Variants in NCAM1 observed in about 807,000 individuals in gnomAD.
NCAM1 encodes the protein antigen recognized by monoclonal antibody 5.1H11.
Under a neutral mutation model 109.8 loss-of-function variants are expected in NCAM1, and 14 were observed. The ratio of observed to expected loss-of-function variants is 0.13; its 90% CI spans 0.08 to 0.20. NCAM1 has a LOEUF of 0.20. Ranked by LOEUF, NCAM1 falls within the 10% of genes least tolerant of loss-of-function variation. The pLI is 1.00. For missense variants in NCAM1, 774 were observed against 1,109.9 expected (o/e 0.70, Z 4.30); for synonymous variants, 418 against 442.9 (o/e 0.94, Z 0.70).
At chr11:113,270,540 TAGAGA>T (rs1174254452) in intron 18 of NCAM1, 145 bp downstream of exon 18, 4 of 744,610 alleles carry the variant, frequency 5.4e-6, no homozygotes, top group African/African-American at 3.5e-5. Flanking sequence ...GGAAAAACAT[TAGAGA>T]AAAGTTTCTC....
intron 7 of NCAM1, 135 bp from the exon 8 acceptor site, chr11:113,214,234 G>C (rs1944463782): frequency 2.4e-6 from 2 of 826,450 alleles, no homozygotes; most frequent in Non-Finnish European, 1.9e-6. Flanking sequence ...AGTCAGGTCT[G>C]CATCTCCTAA....
intron 1 of NCAM1, among the ~76,000 whole-genome samples, chr11:113,072,350 G>C (rs553633403): frequency 6.6e-6 from 1 of 152,244 alleles, no homozygotes; most frequent in African/African-American, 2.4e-5. Flanking sequence ...TCAATGAAAT[G>C]GTAGTTTCAG....
chr11:113,066,386 C>T (rs1174999531), intron 1 of NCAM1, among the ~76,000 whole-genome samples: 5 of 152,134 alleles, frequency 3.3e-5, no homozygotes, highest in Admixed American at 1.3e-4. Flanking sequence ...TCACTAATTA[C>T]GTAAGGCTTT....
At position 113,185,851 on chromosome 11, in the gene NCAM1, C is replaced by T. The variant is rs1327344579; in HGVS notation, c.53-16528C>T. Among the ~76,000 whole-genome samples the T allele has an allele frequency of 2.6e-5, 4 of 152,106 alleles. No homozygotes were observed. In the East Asian group the frequency reaches 5.8e-4, roughly 22 times the overall value. ...TTGAGGAGCTCTTTAAAACTAGAAC[C>T]ACAGTGGCCCTACCCCGGAGGTACT... On this transcript the variant is annotated intron_variant, in intron 1 of 19. Coordinates refer to ENST00000316851, the MANE Select transcript of NCAM1 (RefSeq NM_181351.5).
chr11:113,024,928 T>C (rs143037806), intron 1 of NCAM1, among the ~76,000 whole-genome samples: 24 of 152,362 alleles, frequency 1.6e-4, no homozygotes, highest in Admixed American at 5.9e-4. Flanking sequence ...TTCTGTAGTC[T>C]TCTGAACCAT....
intron 1 of NCAM1, among the ~76,000 whole-genome samples, chr11:113,067,151 C>T (rs984163649): frequency 3.3e-5 from 5 of 152,054 alleles, no homozygotes; most frequent in African/African-American, 1.2e-4. Context: ...TCCTCCTTAG[C>T]GTAAGAGTTT....
At chr11:113,024,831 G>T (rs1952489635) in intron 1 of NCAM1, among the ~76,000 whole-genome samples, 1 of 152,094 alleles carries the variant, frequency 6.6e-6, no homozygotes, top group African/African-American at 2.4e-5. Context: ...GATTGTTTAG[G>T]ATATTTTCAC....
At chr11:113,200,755 T>C (rs1405947250) in intron 1 of NCAM1, among the ~76,000 whole-genome samples, 1 of 152,068 alleles carries the variant, frequency 6.6e-6, no homozygotes, top group African/African-American at 2.4e-5. Flanking sequence ...ATAATCACAC[T>C]TGCACTGCGG....
intron 1 of NCAM1, among the ~76,000 whole-genome samples, chr11:113,017,065 G>A (rs1555075360): frequency 6.6e-6 from 1 of 152,160 alleles, no homozygotes; most frequent in East Asian, 1.9e-4. Context: ...TTAATTCAGA[G>A]TTTTGTCAAC....
At chr11:113,240,814 T>A in intron 14 of NCAM1, 1 of 1,613,682 alleles carries the variant, frequency 6.2e-7, no homozygotes, top group Non-Finnish European at 8.5e-7. Context: ...CTACCCCTGT[T>A]CCATTGTCTC....
intron 1 of NCAM1, among the ~76,000 whole-genome samples, chr11:113,005,838 C>T (rs1403019722): frequency 6.6e-6 from 1 of 152,208 alleles, no homozygotes; most frequent in Non-Finnish European, 1.5e-5. Flanking sequence ...CACATTAAAA[C>T]ATATCCTTTA....
At chr11:113,214,787 G>A (rs1436824752) in intron 8 of NCAM1, among the ~76,000 whole-genome samples, 1 of 152,168 alleles carries the variant, frequency 6.6e-6, no homozygotes, top group Non-Finnish European at 1.5e-5. Flanking sequence ...AATGGTGATT[G>A]TCAATCCCAG....
chr11:113,199,829 TAAAAAAAAAAA>T (rs1555111558), intron 1 of NCAM1, among the ~76,000 whole-genome samples: 2 of 115,766 alleles, frequency 1.7e-5, no homozygotes, highest in Non-Finnish European at 3.5e-5. Flanking sequence ...GAAACACCCT[TAAAAAAAAAAA>T]AAAAAAAAAC....
chr11:113,088,434 C>G (rs1354295303), intron 1 of NCAM1, among the ~76,000 whole-genome samples: 4 of 152,198 alleles, frequency 2.6e-5, no homozygotes, highest in Non-Finnish European at 5.9e-5. Flanking sequence ...AGGCTTTATT[C>G]TGAGTAGAAG....
intron 1 of NCAM1, among the ~76,000 whole-genome samples, chr11:112,983,411 A>C (rs1951207090): frequency 8.5e-6 from 1 of 117,990 alleles, no homozygotes; most frequent in Non-Finnish European, 2.0e-5. Flanking sequence ...AAAATGAACA[A>C]AAATTTGGAT....
intron 1 of NCAM1, among the ~76,000 whole-genome samples, chr11:113,125,665 G>A (rs1555096942): frequency 2.6e-5 from 4 of 152,212 alleles, no homozygotes; most frequent in Non-Finnish European, 1.5e-5. Flanking sequence ...TGGGCAGAGT[G>A]CAGGATGCCA....
At chr11:113,202,822 C>T (rs538363229) in intron 2 of NCAM1, among the ~76,000 whole-genome samples, 3 of 152,170 alleles carry the variant, frequency 2.0e-5, no homozygotes, top group Admixed American at 1.3e-4. Context: ...AACAATACTT[C>T]GGTGGATCTG....
At position 112,996,810 on chromosome 11, in the gene NCAM1, A is replaced by C. The variant is rs981285823; in HGVS notation, c.52+35146A>C. Among the ~76,000 whole-genome samples, 11 of 152,196 alleles carry C rather than the reference A, an allele frequency of 7.2e-5. No homozygotes were observed. The South Asian group carries it at 8.3e-4, about 11-fold the overall frequency. ...TGATAATTGCATGGAAAAAGTTGGA[A>C]TGCAGGATAACAATGTCATCCAAGG... On this transcript the variant is annotated intron_variant, in intron 1 of 19. Coordinates refer to ENST00000316851, the MANE Select transcript of NCAM1 (RefSeq NM_181351.5).
intron 14 of NCAM1, among the ~76,000 whole-genome samples, chr11:113,237,322 C>G (rs1035895470): frequency 6.6e-6 from 1 of 152,192 alleles, no homozygotes; most frequent in Non-Finnish European, 1.5e-5. Flanking sequence ...TAAAAAGGCT[C>G]CCAGCTCCTG....
Sources: allele counts gnomAD v4.1 joint callset (sites outside exome capture counted in the v4.1 genomes callset), GRCh38; gene constraint gnomAD v4.1.1; transcripts MANE v1.5; gene names NCBI Gene and HGNC (gene_info 2026-07-23, HGNC 2026-07-21).